F5: variants seen among roughly 807,000 people sequenced by gnomAD.
The protein encoded by F5 is activated protein c cofactor.
In F5, 138 loss-of-function variants were observed where a neutral mutation model predicts 216.4. That is an observed-to-expected ratio of 0.64 (90% CI 0.56 to 0.73). The LOEUF (loss-of-function observed/expected upper bound fraction) is 0.73. Ranked by LOEUF, F5 falls within the 30% of genes least tolerant of loss-of-function variation. The probability of loss-of-function intolerance (pLI) is 0.00; values close to 1 mark genes in which losing one functional copy is unlikely to be tolerated. For missense variants in F5, 2,403 were observed against 2,674.0 expected (o/e 0.90, Z 2.24); for synonymous variants, 916 against 930.7 (o/e 0.98, Z 0.29).
intron 3 of F5, among the ~76,000 whole-genome samples, chr1:169,567,383 T>TAAAA (rs35536147): frequency 0.025 from 3,812 of 150,562 alleles, 161 homozygotes; most frequent in African/African-American, 0.086. Flanking sequence ...TAAAGTATAA[T>TAAAA]AAAAAAAAAT....
chr1:169,584,301 TC>T (rs1210107945), intron 1 of F5, among the ~76,000 whole-genome samples: 12 of 152,212 alleles, frequency 7.9e-5, no homozygotes, highest in Admixed American at 3.3e-4. Context: ...AAGTTACAGA[TC>T]ATATGAATTC....
In F5 at chr1:169,524,928, A is replaced by G. The variant is rs771149763; in HGVS notation, c.5717-20T>C. The G allele has an allele frequency of 6.9e-6, 11 of 1,599,062 alleles. No individual in the cohort carries two copies. The highest frequency in any genetic ancestry group is 9.4e-6 in the Non-Finnish European group (11 of 1,167,168). ...TACAGTCTATGAAAAACAGAAAAAA[A>G]ATGAATAATTTTTGCTTAGAAAATA... On this transcript the variant is annotated intron_variant, in intron 18 of 24. Coordinates refer to ENST00000367797, the MANE Select transcript of F5 (RefSeq NM_000130.5).
chr1:169,542,643 T>C lies in F5; in HGVS notation c.2447A>G (p.Lys816Arg). 1 of 1,614,126 alleles carries C rather than the reference T, an allele frequency of 6.2e-7. No homozygotes were observed. The highest frequency in any genetic ancestry group is 8.5e-7 in the Non-Finnish European group (1 of 1,179,994). Residue 816 changes from lysine (K) to arginine (R), a missense_variant, in exon 13 of 25, where the codon AAG becomes AGG. Transcript: ENST00000367797. ...AGSPLRHLIGKNSVLNSSTAE... is the reference protein window; with the variant it reads ...AGSPLRHLIGRNSVLNSSTAE... ...TGTGGAAGAATTGAGAACTGAGTTC[T>C]TGCCAATGAGGTGTCTCAGTGGGGA... is the stretch of plus-strand genomic sequence containing the variant.
chr1:169,556,568 A>G, intron 6 of F5, 78 bp downstream of exon 6: 2 of 1,417,008 alleles, frequency 1.4e-6, no homozygotes, highest in Admixed American at 3.6e-5. Flanking sequence ...TTGAAAGGGC[A>G]AGGGAGAAAG....
At chr1:169,570,642 A>G (rs1413261084) in intron 3 of F5, among the ~76,000 whole-genome samples, 2 of 152,170 alleles carry the variant, frequency 1.3e-5, no homozygotes, top group Admixed American at 6.6e-5. Flanking sequence ...TCAGTCACTT[A>G]TACCTTAGTG....
chr1:169,570,514 C>A (rs542883070), intron 3 of F5, among the ~76,000 whole-genome samples: 1 of 152,156 alleles, frequency 6.6e-6, no homozygotes, highest in East Asian at 1.9e-4. Context: ...CAGAGTCTTG[C>A]CAAATTCACT....
intron 6 of F5, among the ~76,000 whole-genome samples, chr1:169,556,064 T>G (rs564719959): frequency 6.6e-6 from 1 of 152,328 alleles, no homozygotes; most frequent in South Asian, 2.1e-4. Context: ...AATCAGTTAT[T>G]TTGTTTACAC....
chr1:169,525,011 T>C lies in F5; in HGVS notation c.5717-103A>G. 4 of 897,062 alleles carry C rather than the reference T, an allele frequency of 4.5e-6. No homozygotes were observed. In the South Asian group the frequency reaches 5.7e-5, roughly 13 times the overall value. The allele number at this position is 897,062 out of a possible 1,614,324, so 55.6% of individuals were successfully genotyped here. ...TTATGTTTCTGACTCAATAATTAGATATTTTTACCTACCTTGTGTGGCCCT... is the reference window on the plus strand; with the variant it reads ...TTATGTTTCTGACTCAATAATTAGACATTTTTACCTACCTTGTGTGGCCCT... On this transcript the variant is annotated intron_variant, in intron 18 of 24. Coordinates refer to ENST00000367797, the MANE Select transcript of F5 (RefSeq NM_000130.5).
intron 5 of F5, among the ~76,000 whole-genome samples, chr1:169,557,111 A>G (rs1660350571): frequency 6.6e-6 from 1 of 152,222 alleles, no homozygotes; most frequent in Non-Finnish European, 1.5e-5. Flanking sequence ...GAGCTTAGAG[A>G]TGGTGGATGT....
intron 17 of F5, among the ~76,000 whole-genome samples, chr1:169,526,631 G>T (rs527258382): frequency 6.6e-6 from 1 of 152,134 alleles, no homozygotes; most frequent in Admixed American, 6.6e-5. Context: ...GATTGTGGGT[G>T]AAAATGAATA....
chr1:169,574,972 T>A (rs750176527), intron 2 of F5, among the ~76,000 whole-genome samples: 12 of 152,190 alleles, frequency 7.9e-5, no homozygotes, highest in Non-Finnish European at 1.6e-4. Flanking sequence ...AAGTCAAACA[T>A]TTTTATAGTT....
At chr1:169,576,654 C>T (rs888784267) in intron 2 of F5, among the ~76,000 whole-genome samples, 10 of 152,206 alleles carry the variant, frequency 6.6e-5, no homozygotes, top group African/African-American at 1.2e-4. Flanking sequence ...CCTGACATGT[C>T]GGACTCCACT....
intron 3 of F5, among the ~76,000 whole-genome samples, chr1:169,567,508 G>A (rs1042836093): frequency 5.3e-5 from 8 of 150,426 alleles, no homozygotes; most frequent in African/African-American, 1.7e-4. Flanking sequence ...TTCCAAAGGC[G>A]ATGAAAGTAA....
chr1:169,543,109 A>C lies in F5; in HGVS notation c.1981T>G (p.Trp661Gly), dbSNP rs758735323. 1 of 1,613,316 alleles carries C rather than the reference A, an allele frequency of 6.2e-7. No individual in the cohort carries two copies. The highest frequency in any genetic ancestry group is 8.5e-7 in the Non-Finnish European group (1 of 1,179,772). Residue 661 changes from tryptophan to glycine, a missense_variant, in exon 13 of 25, where the codon TGG (tryptophan) becomes GGG (glycine). Physicochemically the swap from Trp to Gly is radical, Grantham distance 184. Around this residue, in one of 4 missense-constraint regions of F5, gnomAD observed 1,425 missense variants for 1,554.8 expected, o/e 0.92. Coordinates refer to ENST00000367797, the MANE Select transcript of F5 (RefSeq NM_000130.5). ...VTVTMDNVGT[W>G]MLTSMNSSPR... ...CTAGAATTCATGGAAGTTAACATCCAAGTTCCTACAGAAGAGAGACAGACA... is the reference window on the plus strand; with the variant it reads ...CTAGAATTCATGGAAGTTAACATCCCAGTTCCTACAGAAGAGAGACAGACA...
intron 3 of F5, among the ~76,000 whole-genome samples, chr1:169,567,028 C>T (rs766907978): frequency 5.9e-5 from 9 of 151,910 alleles, no homozygotes; most frequent in Non-Finnish European, 1.2e-4. Flanking sequence ...TTATAAACAA[C>T]GGACACTTCT....
intron 21 of F5, among the ~76,000 whole-genome samples, chr1:169,521,838 C>G (rs1659316839): frequency 6.6e-6 from 1 of 151,834 alleles, no homozygotes; most frequent in Non-Finnish European, 1.5e-5. Context: ...TCAGGATGGT[C>G]TTGATCTCTT....
rs1214057313 is a variant in F5, at chr1:169,540,571, A to G, written c.4519T>C (p.Phe1507Leu). 7.0e-5 allele frequency: 113 copies of G among 1,613,956 alleles called. No individual in the cohort carries two copies. Among genetic ancestry groups the G allele is most frequent in the Non-Finnish European group, 9.6e-5 (113 of 1,179,992 alleles). The change falls in exon 13 of 25, where the codon TTT becomes CTT. Residue 1507 changes from phenylalanine to leucine, a missense_variant. By Grantham distance (22) the Phe-to-Leu change is conservative. Coordinates refer to ENST00000367797, the MANE Select transcript of F5 (RefSeq NM_000130.5). ...AGGCCCACTATAACCAGTGGATTAA[A>G]TTCCTTTGATAGAAAAGTATCATTG... ...TLNDTFLSKE[F>L]NPLVIVGLSK...
chr1:169,540,445 G>A lies in F5; in HGVS notation c.4645C>T (p.Pro1549Ser). 5.6e-6 allele frequency: 9 copies of A among 1,613,900 alleles called. No individual in the cohort carries two copies. Among genetic ancestry groups the A allele is most frequent in the Non-Finnish European group, 7.6e-6 (9 of 1,179,938 alleles). The change falls in exon 13 of 25, where the codon CCC becomes TCC. Residue 1549 changes from proline (P) to serine (S), a missense_variant. Transcript: ENST00000367797. ...AEIDYVPYDDPYKTDVRTNIN... is the reference protein window; with the variant it reads ...AEIDYVPYDDSYKTDVRTNIN... ...TTTGTCCTAACATCAGTTTTGTAGG[G>A]GTCATCATAGGGCACATAATCAATT...
intron 3 of F5, among the ~76,000 whole-genome samples, chr1:169,564,497 G>A (rs1226780607): frequency 6.6e-6 from 1 of 151,928 alleles, no homozygotes; most frequent in Admixed American, 6.6e-5. Flanking sequence ...GGCACATCTG[G>A]TTTGTTACTC....
Sources: gnomAD v4.1 joint callset for allele counts (sites outside exome capture counted in the v4.1 genomes callset) on GRCh38, gnomAD v4.1.1 for gene constraint, gnomAD v4.1.1 regional missense constraint, MANE v1.5 for transcripts, NCBI Gene and HGNC (gene_info 2026-07-23, HGNC 2026-07-21) for gene names.